EGF: variants seen among roughly 807,000 people sequenced by gnomAD.
The protein encoded by EGF is pro-epidermal growth factor.
A neutral mutation model predicts 143.8 loss-of-function variants in EGF; 95 were observed. The observed-to-expected ratio is 0.66, with a 90% CI of 0.56 to 0.78. The LOEUF (loss-of-function observed/expected upper bound fraction) is 0.78. EGF is among the 30% of genes least tolerant of loss of function. The pLI is 0.00. For synonymous variants in EGF, 510 were observed against 510.5 expected, an observed-to-expected ratio of 1.00 and a Z score of 0.01; for missense variants, 1,320 against 1,470.9, an observed-to-expected ratio of 0.90 and a Z score of 1.68.
intron 5 of EGF, among the ~76,000 whole-genome samples, chr4:109,957,830 C>A (rs1406864692): frequency 6.6e-6 from 1 of 152,204 alleles, no homozygotes; most frequent in Non-Finnish European, 1.5e-5. Flanking sequence ...TCCATGACCC[C>A]AATAGTTTTC....
rs374675155 is a variant in EGF at position 109,964,408 on chromosome 4, A to G, written c.1446A>G (p.Gln482=). The stretch of plus-strand genomic sequence containing the variant: ...TTGAAATTTGGTTAACAGGACCACA[A>G]CCATTTTTGCTGTTTGCCAATTCTC... ...DEKSCAASGP[Q]PFLLFANSQD... is the part of the protein sequence containing the mutation. Residue 482 remains glutamine, a synonymous_variant, in exon 10 of 24, where the codon CAA becomes CAG. Transcript: ENST00000265171. 55 of 1,613,784 alleles carry G rather than the reference A, an allele frequency of 3.4e-5. 1 individual carries two copies. Among genetic ancestry groups the G allele is most frequent in the African/African-American group, 1.9e-4 (14 of 74,906 alleles).
intron 2 of EGF, 75 bp downstream of exon 2, chr4:109,941,220 G>A: frequency 1.5e-6 from 2 of 1,356,252 alleles, no homozygotes; most frequent in South Asian, 2.5e-5. Flanking sequence ...AATTCTTAAT[G>A]TATAGATAAA....
At chr4:109,915,268 T>C (rs2125918188) in intron 1 of EGF, among the ~76,000 whole-genome samples, 1 of 152,296 alleles carries the variant, frequency 6.6e-6, no homozygotes, top group East Asian at 1.9e-4. Flanking sequence ...GCTGAGTTAC[T>C]TTAGAGTATC....
chr4:109,956,674 T>C (rs1055717056), intron 5 of EGF, among the ~76,000 whole-genome samples: 1 of 152,198 alleles, frequency 6.6e-6, no homozygotes, highest in Non-Finnish European at 1.5e-5. Context: ...ACATGTATAA[T>C]TGGCATAAAA....
chr4:109,914,760 A>C (rs1264805041), intron 1 of EGF, among the ~76,000 whole-genome samples: 1 of 152,186 alleles, frequency 6.6e-6, no homozygotes. Context: ...ACAAATGACA[A>C]AAATGGCCCC....
intron 2 of EGF, among the ~76,000 whole-genome samples, chr4:109,942,567 G>A (rs1176665536): frequency 6.6e-6 from 1 of 152,146 alleles, no homozygotes; most frequent in Non-Finnish European, 1.5e-5. Flanking sequence ...ACAAATTGGG[G>A]CTTCTGCCCA....
At position 109,941,161 on chromosome 4, in the gene EGF, C is replaced by A; in HGVS notation, c.327+16C>A. 6.2e-7 allele frequency: 1 copy of A among 1,612,260 alleles called. No individual in the cohort carries two copies. Among genetic ancestry groups the A allele is most frequent in the South Asian group, 1.1e-5 (1 of 90,960 alleles). ...AAGGCAAGAGGTAAAATACCCTTAC[C>A]TACAGTGTTTGAGCTGTTTTTGTAC... is the stretch of plus-strand genomic sequence containing the variant. On this transcript the variant is annotated intron_variant, in intron 2 of 23. Coordinates refer to ENST00000265171, the MANE Select transcript of EGF (RefSeq NM_001963.6).
intron 5 of EGF, among the ~76,000 whole-genome samples, chr4:109,957,655 A>G (rs1205002420): frequency 2.6e-5 from 4 of 152,258 alleles, no homozygotes; most frequent in Non-Finnish European, 5.9e-5. Flanking sequence ...GCCTATTTGG[A>G]GAACAGTCTC....
intron 5 of EGF, among the ~76,000 whole-genome samples, chr4:109,955,682 A>G (rs1744677338): frequency 6.6e-6 from 1 of 152,218 alleles, no homozygotes; most frequent in Non-Finnish European, 1.5e-5. Flanking sequence ...TCTAAGGTTG[A>G]TTGGAACTTT....
intron 5 of EGF, among the ~76,000 whole-genome samples, chr4:109,953,545 C>A (rs1297813789): frequency 6.6e-6 from 1 of 152,206 alleles, no homozygotes; most frequent in East Asian, 1.9e-4. Flanking sequence ...AGTGTCCTAA[C>A]CTTCCAGTAT....
intron 1 of EGF, among the ~76,000 whole-genome samples, chr4:109,926,512 A>G (rs544445920): frequency 1.7e-3 from 254 of 151,214 alleles, no homozygotes; most frequent in African/African-American, 5.9e-3. Context: ...CCGCCACCAC[A>G]CCCGGCTAAT....
chr4:109,919,057 G>A (rs970267608), intron 1 of EGF, among the ~76,000 whole-genome samples: 2 of 152,074 alleles, frequency 1.3e-5, no homozygotes, highest in African/African-American at 4.8e-5. Flanking sequence ...TTGCTTTTCT[G>A]ATCATATCCG....
intron 13 of EGF, among the ~76,000 whole-genome samples, chr4:109,977,933 C>A (rs959126963): frequency 2.0e-5 from 3 of 152,108 alleles, no homozygotes; most frequent in African/African-American, 7.2e-5. Flanking sequence ...ATTTCTAACC[C>A]GAATGTGAGG....
At chr4:110,003,486 G>C (rs11569104) in intron 21 of EGF, among the ~76,000 whole-genome samples, 36,902 of 152,002 alleles carry the variant, frequency 0.24, 8,314 homozygotes, top group East Asian at 0.58. Flanking sequence ...TCTTGGTACT[G>C]TCTGTGATGC....
chr4:109,930,118 T>A (rs1392948129), intron 1 of EGF, among the ~76,000 whole-genome samples: 3 of 152,242 alleles, frequency 2.0e-5, no homozygotes, highest in African/African-American at 7.2e-5. Context: ...GCCATGATTG[T>A]AATTTTCCTG....
intron 20 of EGF, among the ~76,000 whole-genome samples, chr4:109,996,287 T>A (rs1447965861): frequency 2.6e-5 from 4 of 152,232 alleles, no homozygotes; most frequent in Non-Finnish European, 5.9e-5. Context: ...ACACTGCTTT[T>A]CTTTCTGTCA....
Position 109,943,541 on chromosome 4 carries a change from G to C in EGF, c.509+106G>C, listed in dbSNP as rs1465086832. 3.9e-5 allele frequency: 50 copies of C among 1,291,316 alleles called. No individual in the cohort carries two copies. The South Asian group carries it at 5.3e-4, about 14-fold the overall frequency. 80.0% of individuals were successfully genotyped at this position (1,291,316 alleles called of 1,614,324 possible). A position where few individuals can be genotyped will look rare whatever the true frequency, so the allele number is the denominator to read the frequency against. Reference sequence around the variant, plus strand: ...AAGGGATCCTCTCACTGAGACCAAAGCCCTCTTTTGCAGCACACAGGCACC... The same window carrying C: ...AAGGGATCCTCTCACTGAGACCAAACCCCTCTTTTGCAGCACACAGGCACC... On this transcript the variant is annotated intron_variant, in intron 3 of 23. Coordinates refer to ENST00000265171, the MANE Select transcript of EGF (RefSeq NM_001963.6).
intron 23 of EGF, 123 bp from the exon 24 acceptor site, chr4:110,011,079 G>T: frequency 1.7e-5 from 19 of 1,125,886 alleles, no homozygotes; most frequent in Non-Finnish European, 2.4e-5. Flanking sequence ...AGAGTAGTTT[G>T]AAAATGGGTT....
intron 1 of EGF, among the ~76,000 whole-genome samples, chr4:109,928,493 C>G (rs1406390069): frequency 6.6e-6 from 1 of 152,102 alleles, no homozygotes; most frequent in Non-Finnish European, 1.5e-5. Context: ...CTCCAGACAG[C>G]AGGCTTCAGA....
Sources: allele counts gnomAD v4.1 joint callset (sites outside exome capture counted in the v4.1 genomes callset), GRCh38; gene constraint gnomAD v4.1.1; transcripts MANE v1.5; gene names NCBI Gene and HGNC (gene_info 2026-07-23, HGNC 2026-07-21).